Variants in PKHD1 observed in about 807,000 individuals in gnomAD.
PKHD1 encodes the protein PKHD1 ciliary IPT domain containing fibrocystin/polyductin, also known as fibrocystin.
PKHD1 carries 291 observed loss-of-function variants against 412.0 expected under a neutral mutation model. The observed-to-expected ratio is 0.71, with a 90% CI of 0.64 to 0.78. The LOEUF (loss-of-function observed/expected upper bound fraction) is 0.78, where lower values mean the gene tolerates loss of function less well. Among genes scored for constraint, PKHD1 ranks in the 30% least tolerant of loss-of-function variants. The probability of loss-of-function intolerance (pLI) is 0.00; values close to 1 mark genes in which losing one functional copy is unlikely to be tolerated. For missense variants in PKHD1, 4,825 were observed against 4,950.7 expected (o/e 0.97, Z 0.76); for synonymous variants, 1,777 against 1,821.5 (o/e 0.98, Z 0.62).
chr6:51,709,178 T>C (rs1232357696), intron 60 of PKHD1, among the ~76,000 whole-genome samples: 1 of 152,226 alleles, frequency 6.6e-6, no homozygotes, highest in East Asian at 1.9e-4. Flanking sequence ...CTATGAGCTC[T>C]TCAAAGTCAA....
chr6:51,845,018 C>CCTA (rs1333808551), intron 50 of PKHD1, among the ~76,000 whole-genome samples: 5 of 152,084 alleles, frequency 3.3e-5, no homozygotes, highest in Admixed American at 2.0e-4. Context: ...CAGTCATGGT[C>CCTA]CTATAAAGTC....
rs181133526 is a variant in PKHD1 at position 51,705,710 on chromosome 6, A to G, written c.10156+38675T>C. Among the ~76,000 whole-genome samples, 6 of 152,210 alleles carry G rather than the reference A, an allele frequency of 3.9e-5. 1 individual carries two copies. The highest frequency in any genetic ancestry group is 1.4e-4 in the African/African-American group (6 of 41,540). The stretch of plus-strand genomic sequence containing the variant: ...GGCTTTTTACTGACAGCAATTTTCT[A>G]TTAAAGTGCAAACATCCAGTAACAA... On this transcript the variant is annotated intron_variant, in intron 60 of 66. Coordinates refer to ENST00000371117, the MANE Select transcript of PKHD1 (RefSeq NM_138694.4).
At chr6:51,763,819 C>A (rs1404583058) in intron 55 of PKHD1, among the ~76,000 whole-genome samples, 11 of 152,042 alleles carry the variant, frequency 7.2e-5, no homozygotes. Flanking sequence ...TCAAGCTCTC[C>A]TGCTGTCTAC....
intron 59 of PKHD1, among the ~76,000 whole-genome samples, chr6:51,745,578 C>T (rs1785086764): frequency 6.6e-6 from 1 of 152,092 alleles, no homozygotes; most frequent in African/African-American, 2.4e-5. Flanking sequence ...AGTGGTTCAG[C>T]CTGTAATCCC....
At chr6:51,705,295 A>G (rs1582183890) in intron 60 of PKHD1, among the ~76,000 whole-genome samples, 2 of 152,224 alleles carry the variant, frequency 1.3e-5, no homozygotes, top group Admixed American at 1.3e-4. Flanking sequence ...TCATAAAGTA[A>G]GGACAAAATA....
chr6:51,761,906 A>T (rs888303071), intron 55 of PKHD1, among the ~76,000 whole-genome samples: 2 of 152,024 alleles, frequency 1.3e-5, no homozygotes, highest in Non-Finnish European at 2.9e-5. Flanking sequence ...CTTCTCAGTA[A>T]ATGGCAGCGC....
rs572405381 is a variant in PKHD1 at position 51,917,197 on chromosome 6, A to G, written c.6122-4621T>C. ...AGGGAGAGAGGGAGAGGTGGGGGGG[A>G]GAGAGAGAGAGAGAGAGAGAAAGGA... On this transcript the variant is annotated intron_variant, in intron 37 of 66. Coordinates refer to ENST00000371117, the MANE Select transcript of PKHD1 (RefSeq NM_138694.4). 1.7e-3 allele frequency among the ~76,000 whole-genome samples: 227 copies of G among 132,668 alleles called. 1 individual carries two copies. Among genetic ancestry groups the G allele is most frequent in the African/African-American group, 5.8e-3 (216 of 37,266 alleles). The allele number at this position is 132,668 out of a possible 152,430, so 87.0% of individuals were successfully genotyped here.
chr6:51,633,089 A>G (rs1404149192), intron 64 of PKHD1, among the ~76,000 whole-genome samples: 1 of 152,190 alleles, frequency 6.6e-6, no homozygotes, highest in African/African-American at 2.4e-5. Flanking sequence ...GTGTGAAATT[A>G]CTTGCTCTGA....
chr6:51,772,684 G>A lies in PKHD1; in HGVS notation c.8642+18C>T. On this transcript the variant is annotated intron_variant, in intron 55 of 66. Transcript: ENST00000371117. ...AACAACAACCAAGAAAAAGCCCTAA[G>A]TTACTCTCATTCCTTACCTCTCATT... The A allele has an allele frequency of 7.4e-7, 1 of 1,347,032 alleles. No individual in the cohort carries two copies. Among genetic ancestry groups the A allele is most frequent in the Non-Finnish European group, 1.1e-6 (1 of 943,244 alleles). The allele number at this position is 1,347,032 out of a possible 1,614,324, so 83.4% of individuals were successfully genotyped here.
At chr6:52,080,430 C>T (rs111446643) in intron 4 of PKHD1, among the ~76,000 whole-genome samples, 1,864 of 152,310 alleles carry the variant, frequency 0.012, 33 homozygotes, top group African/African-American at 0.043. Context: ...ATTGTCCAAG[C>T]AGCCCATAAA....
Position 51,855,994 on chromosome 6 carries a change from G to A in PKHD1, c.7810C>T (p.Arg2604Cys), listed in dbSNP as rs201091083. ...RNKTTTVNYV[R>C]DTLSNPRGWM... Reference sequence around the variant, plus strand: ...CCACGAGGGTTAGACAATGTATCACGTACATAATTGACAGTGGTTGTTTTA... The same window carrying A: ...CCACGAGGGTTAGACAATGTATCACATACATAATTGACAGTGGTTGTTTTA... Residue 2604 changes from arginine to cysteine, a missense_variant, in exon 49 of 67, where the codon CGT becomes TGT. Physicochemically the swap from Arg to Cys is radical, Grantham distance 180. Transcript: ENST00000371117. The A allele has an allele frequency of 3.2e-4, 519 of 1,607,696 alleles. 5 individuals carry two copies. In the South Asian group the frequency reaches 4.4e-3, roughly 14 times the overall value.
At chr6:51,986,990 T>G (rs1346261570) in intron 35 of PKHD1, among the ~76,000 whole-genome samples, 1 of 152,200 alleles carries the variant, frequency 6.6e-6, no homozygotes, top group Non-Finnish European at 1.5e-5. Context: ...AGCACATAAA[T>G]AGCATGGCTT....
intron 60 of PKHD1, among the ~76,000 whole-genome samples, chr6:51,724,681 T>C (rs1782349703): frequency 6.6e-6 from 1 of 152,202 alleles, no homozygotes; most frequent in Non-Finnish European, 1.5e-5. Flanking sequence ...AACATCAGTA[T>C]CTATGAATGT....
At chr6:51,759,875 T>A (rs1325320421) in intron 55 of PKHD1, among the ~76,000 whole-genome samples, 4 of 152,278 alleles carry the variant, frequency 2.6e-5, no homozygotes, top group Admixed American at 6.5e-5. Context: ...CTAGAATTAG[T>A]CTGCCTGCCC....
chr6:52,041,419 CA>C (rs1804868591), intron 27 of PKHD1, among the ~76,000 whole-genome samples: 1 of 152,148 alleles, frequency 6.6e-6, no homozygotes. Flanking sequence ...TCCAGGACCA[CA>C]CTTTAAGGAC....
intron 50 of PKHD1, among the ~76,000 whole-genome samples, chr6:51,839,921 C>T (rs1448311440): frequency 1.3e-5 from 2 of 151,994 alleles, no homozygotes; most frequent in Non-Finnish European, 2.9e-5. Flanking sequence ...AAATGTCATG[C>T]AGTCCCACCC....
chr6:51,874,475 C>G (rs1038902049), intron 46 of PKHD1, among the ~76,000 whole-genome samples: 4 of 152,158 alleles, frequency 2.6e-5, no homozygotes, highest in African/African-American at 7.2e-5. Flanking sequence ...AGAGTACCAA[C>G]ACACGTACAG....
chr6:52,058,062 T>C (rs1335998678), intron 16 of PKHD1, among the ~76,000 whole-genome samples: 1 of 152,216 alleles, frequency 6.6e-6, no homozygotes, highest in Non-Finnish European at 1.5e-5. Context: ...CCTTGTCTCT[T>C]TTCTGGGAAA....
intron 33 of PKHD1, among the ~76,000 whole-genome samples, chr6:52,022,048 T>C (rs1801470150): frequency 6.6e-6 from 1 of 152,236 alleles, no homozygotes; most frequent in African/African-American, 2.4e-5. Flanking sequence ...ATCTCAAATG[T>C]AGTAAGGTCC....
Sources: gnomAD v4.1 joint callset for allele counts (sites outside exome capture counted in the v4.1 genomes callset) on GRCh38, gnomAD v4.1.1 for gene constraint, MANE v1.5 for transcripts, NCBI Gene and HGNC (gene_info 2026-07-23, HGNC 2026-07-21) for gene names.